The following CCT2 variants were observed in gnomAD, a reference collection of about 807,000 sequenced individuals.
CCT2 encodes T-complex protein 1 subunit beta.
CCT2 carries 18 observed loss-of-function variants against 61.8 expected under a neutral mutation model. That is an observed-to-expected ratio of 0.29 (90% confidence interval 0.20 to 0.43). CCT2 has a LOEUF of 0.43. Ranked by LOEUF, CCT2 falls within the 20% of genes least tolerant of loss-of-function variation. The pLI, the probability that CCT2 is intolerant of heterozygous loss-of-function variation, is 1.00. For synonymous variants in CCT2, 248 were observed against 215.9 expected, an observed-to-expected ratio of 1.15 and a Z score of -1.30; for missense variants, 556 against 656.9, an observed-to-expected ratio of 0.85 and a Z score of 1.68.
rs1006305958 is a variant in CCT2 at position 69,592,851 on chromosome 12, C to T, written c.751-125C>T. 10 of 763,444 alleles carry T rather than the reference C, an allele frequency of 1.3e-5. No homozygotes were observed. The African/African-American group carries it at 1.8e-4, about 14-fold the overall frequency. The allele number at this position is 763,444 out of a possible 1,614,324, so 47.3% of individuals were successfully genotyped here. A position where few individuals can be genotyped will look rare whatever the true frequency, so the allele number is the denominator to read the frequency against. On this transcript the variant is annotated intron_variant, in intron 8 of 15. Transcript: ENST00000299300. ...GCTGAGGCAGGAGAATCACTTGAAC[C>T]CAGCGGGTGGAGGTTGCAGTGAGCC...
chr12:69,594,457 A>G (rs189498620), intron 10 of CCT2, among the ~76,000 whole-genome samples: 4 of 152,372 alleles, frequency 2.6e-5, no homozygotes, highest in Admixed American at 1.3e-4. Context: ...TATAATGAAA[A>G]TTAGTATACC....
At chr12:69,597,395 GA>G in intron 11 of CCT2, 120 bp downstream of exon 11, 1 of 1,260,106 alleles carries the variant, frequency 7.9e-7, no homozygotes, top group Non-Finnish European at 1.1e-6. Flanking sequence ...TCAGAAGCAT[GA>G]TACATACTTT....
intron 10 of CCT2, among the ~76,000 whole-genome samples, chr12:69,596,327 A>G (rs2135858078): frequency 6.6e-6 from 1 of 152,356 alleles, no homozygotes; most frequent in East Asian, 1.9e-4. Flanking sequence ...CAGATTTATC[A>G]GTAAGGCATA....
chr12:69,600,172 A>T (rs942002938), intron 15 of CCT2, among the ~76,000 whole-genome samples, 168 bp downstream of exon 15: 5 of 152,252 alleles, frequency 3.3e-5, no homozygotes, highest in African/African-American at 1.2e-4. Flanking sequence ...AGAAAAACTT[A>T]AGGGGAAAGA....
At chr12:69,592,313 TA>T (rs201121457) in intron 8 of CCT2, 154 bp downstream of exon 8, 69,212 of 331,060 alleles carry the variant, frequency 0.21, 1,148 homozygotes, top group Middle Eastern at 0.26. Context: ...CTGTCTCTAC[TA>T]AAAAAAAAAA....
chr12:69,598,003 C>T lies in CCT2; in HGVS notation c.1267C>T (p.Gln423Ter). 1 of 1,613,956 alleles carries T rather than the reference C, an allele frequency of 6.2e-7. No individual in the cohort carries two copies. The highest frequency in any genetic ancestry group is 8.5e-7 in the Non-Finnish European group (1 of 1,179,870). Residue 423 changes from glutamine (Q) to a stop codon, truncating the protein, a stop_gained, in exon 13 of 16, where the codon CAG becomes TAG. Transcript: ENST00000299300. LOFTEE classifies it high-confidence loss of function. ...GATGTTGATGGCTCATGCTGTGACA[C>T]AGCTTGCCAATAGAACACCAGGCAA... ...SEMLMAHAVT[Q>*]LANRTPGKEA...
intron 8 of CCT2, chr12:69,592,492 CA>C (rs11367247): frequency 0.74 from 118,646 of 159,518 alleles, 43,567 homozygotes; most frequent in East Asian, 0.89. Flanking sequence ...TCAAAAGTCT[CA>C]AAAAAAAAAA....
chr12:69,586,999 C>G lies in CCT2; in HGVS notation c.144+181C>G. 4 of 482,408 alleles carry G rather than the reference C, an allele frequency of 8.3e-6. No homozygotes were observed. In the South Asian group the frequency reaches 1.1e-4, roughly 13 times the overall value. The allele number at this position is 482,408 out of a possible 1,614,324, so 29.9% of individuals were successfully genotyped here. A position where few individuals can be genotyped will look rare whatever the true frequency, so the allele number is the denominator to read the frequency against. Reference sequence around the variant, plus strand: ...CACCATCCCCAATCCCATGCCCCTCCCCAATGACAAGTACTGTTATCATTT... The same window carrying G: ...CACCATCCCCAATCCCATGCCCCTCGCCAATGACAAGTACTGTTATCATTT... On this transcript the variant is annotated intron_variant, in intron 3 of 15. Coordinates refer to ENST00000299300, the MANE Select transcript of CCT2 (RefSeq NM_006431.3).
rs189853845 is a variant in CCT2, at chr12:69,592,987, C to T, written c.762C>T (p.Ser254=). The change falls in exon 9 of 16, where the codon TCC becomes TCT. Residue 254 remains serine, a synonymous_variant. Transcript: ENST00000299300. ...TTCGTTTGTCTTAGATATTTGGTTC[C>T]CGGGTAAGAGTTGACTCTACAGCAA... ...MDTDKIKIFG[S]RVRVDSTAKV... 3 of 1,611,874 alleles carry T rather than the reference C, an allele frequency of 1.9e-6. No homozygotes were observed. The highest frequency in any genetic ancestry group is 4.5e-5 in the East Asian group (2 of 44,844).
chr12:69,591,879 AAAC>A (rs68113728), intron 7 of CCT2, among the ~76,000 whole-genome samples, 177 bp from the exon 8 acceptor site: 27,736 of 152,100 alleles, frequency 0.18, 2,768 homozygotes, highest in Middle Eastern at 0.29. Flanking sequence ...CCTAAAAGCA[AAAC>A]AACAACAGAA....
chr12:69,589,277 C>A, intron 6 of CCT2: 2 of 515,090 alleles, frequency 3.9e-6, no homozygotes, highest in African/African-American at 3.9e-5. Flanking sequence ...GTGGCCCCCA[C>A]CCCTCTTTTT....
intron 6 of CCT2, 135 bp from the exon 7 acceptor site, chr12:69,589,350 T>G (rs1209343085): frequency 2.0e-5 from 13 of 645,714 alleles, no homozygotes; most frequent in Non-Finnish European, 3.5e-5. Context: ...TCTTGATTAC[T>G]GCTGAGGTTT....
chr12:69,593,232 T>C, intron 9 of CCT2, 129 bp downstream of exon 9: 1 of 822,292 alleles, frequency 1.2e-6, no homozygotes, highest in Non-Finnish European at 1.9e-6. Flanking sequence ...TTATGGATTT[T>C]TGTAATCAGT....
intron 15 of CCT2, among the ~76,000 whole-genome samples, chr12:69,600,764 TTG>T (rs1214351203): frequency 3.3e-5 from 5 of 152,184 alleles, no homozygotes; most frequent in African/African-American, 1.2e-4. Context: ...CTCGTAACTG[TTG>T]TGTTTGCCTC....
chr12:69,599,885 A>G lies in CCT2; in HGVS notation c.1458A>G (p.Gly486=). ...AGLDMREGTI[G]DMAILGITES... is the part of the protein sequence containing the mutation. ...CAGATATGAGGGAAGGCACCATTGG[A>G]GATATGGCTATCCTGGGTATAACAG... The change falls in exon 15 of 16, where the codon GGA becomes GGG. Residue 486 remains glycine (G), a synonymous_variant. Transcript: ENST00000299300. The G allele has an allele frequency of 1.9e-6, 3 of 1,613,200 alleles. No individual in the cohort carries two copies. The highest frequency in any genetic ancestry group is 2.5e-6 in the Non-Finnish European group (3 of 1,179,552).
chr12:69,588,144 T>G lies in CCT2; in HGVS notation c.334-6T>G. On this transcript the variant is annotated splice_region_variant and splice_polypyrimidine_tract_variant and intron_variant, in intron 5 of 15. Transcript: ENST00000299300. ...TATAACTTTTGTTTTATAACTTTAT[T>G]AATAGGAAGCAGAATCTTTAATTGC... 1 of 1,608,206 alleles carries G rather than the reference T, an allele frequency of 6.2e-7. No individual in the cohort carries two copies. The highest frequency in any genetic ancestry group is 8.5e-7 in the Non-Finnish European group (1 of 1,175,230).
chr12:69,592,297 G>A, intron 8 of CCT2, 138 bp downstream of exon 8: 1 of 478,892 alleles, frequency 2.1e-6, no homozygotes, highest in Non-Finnish European at 3.9e-6. Context: ...CCAACATGGA[G>A]AAACCCTGTC....
rs772951985 is a variant in CCT2, at chr12:69,597,271, C to T, written c.1098C>T (p.Ala366=). 3.7e-6 allele frequency: 6 copies of T among 1,613,536 alleles called. No individual in the cohort carries two copies. The highest frequency in any genetic ancestry group is 1.3e-5 in the African/African-American group (1 of 74,886). The change falls in exon 11 of 16, where the codon GCC becomes GCT. Residue 366 remains alanine, a synonymous_variant. Transcript: ENST00000299300. ...EDKLIHFSGV[A]LGEACTIVLR... is the part of the protein sequence containing the mutation. ...AACTCATTCACTTTTCTGGGGTTGC[C>T]CTTGGTGAGTGATTATGTAGATCCT... is the stretch of plus-strand genomic sequence containing the variant.
At chr12:69,587,187 C>A in intron 3 of CCT2, 1 of 332,506 alleles carries the variant, frequency 3.0e-6, no homozygotes, top group Non-Finnish European at 5.4e-6. Context: ...ATAACACTGC[C>A]CCTTTAACTG....
Sources: gnomAD v4.1 joint callset for allele counts (sites outside exome capture counted in the v4.1 genomes callset) on GRCh38, gnomAD v4.1.1 for gene constraint, MANE v1.5 for transcripts, NCBI Gene and HGNC (gene_info 2026-07-23, HGNC 2026-07-21) for gene names.